PLCE1: variants seen among roughly 807,000 people sequenced by gnomAD.
The protein encoded by PLCE1 is 1-phosphatidylinositol 4,5-bisphosphate phosphodiesterase epsilon-1.
A neutral mutation model predicts 242.8 loss-of-function variants in PLCE1; 119 were observed. The ratio of observed to expected loss-of-function variants is 0.49; its 90% CI spans 0.42 to 0.57. PLCE1 has a LOEUF of 0.57. Ranked by LOEUF, PLCE1 falls within the 20% of genes least tolerant of loss-of-function variation. PLCE1 has a pLI of 0.00. For missense variants in PLCE1, 2,441 were observed against 2,788.8 expected, an observed-to-expected ratio of 0.88 and a Z score of 2.81; for synonymous variants, 945 against 1,017.4, an observed-to-expected ratio of 0.93 and a Z score of 1.35.
intron 3 of PLCE1, chr10:94,138,576 T>C: frequency 2.2e-6 from 1 of 457,264 alleles, no homozygotes; most frequent in Non-Finnish European, 4.3e-6. Flanking sequence ...GTTAGGTTGC[T>C]TCAATCTGAA....
chr10:94,073,351 T>A (rs192112936), intron 2 of PLCE1, among the ~76,000 whole-genome samples: 26 of 152,308 alleles, frequency 1.7e-4, no homozygotes, highest in African/African-American at 6.0e-4. Flanking sequence ...TATAAACTTC[T>A]AAATGTTATG....
chr10:94,221,966 G>A (rs546118415), intron 4 of PLCE1, among the ~76,000 whole-genome samples: 8 of 152,202 alleles, frequency 5.3e-5, no homozygotes, highest in African/African-American at 1.9e-4. Flanking sequence ...AAGTGTTCAG[G>A]CCTTTTCCCA....
In PLCE1 at chr10:94,131,852, C is replaced by G. The variant is rs74151060; in HGVS notation, c.1207-322C>G. ...AGGAAAACCAGAAGGAAAGGTTTGCCTTCATCTCTCTGCAGAAGAGCTTTG... is the reference window on the plus strand; with the variant it reads ...AGGAAAACCAGAAGGAAAGGTTTGCGTTCATCTCTCTGCAGAAGAGCTTTG... On this transcript the variant is annotated intron_variant, in intron 2 of 32. Coordinates refer to ENST00000371380, the MANE Select transcript of PLCE1 (RefSeq NM_016341.4). Among the ~76,000 whole-genome samples the G allele has an allele frequency of 0.044, 6,686 of 152,284 alleles. 476 individuals are homozygous for G. Among genetic ancestry groups the G allele is most frequent in the African/African-American group, 0.14 (5,972 of 41,528 alleles).
rs398046178 is a variant in PLCE1 at position 94,093,934 on chromosome 10, CTTTTTTTTTTTT to C, written c.1207-38226_1207-38215del. Among the ~76,000 whole-genome samples, 40 of 79,194 alleles carry C rather than the reference CTTTTTTTTTTTT, an allele frequency of 5.1e-4. 1 individual carries two copies. The highest frequency in any genetic ancestry group is 1.9e-3 in the African/African-American group (35 of 18,304). The allele number at this position is 79,194 out of a possible 152,430, so 52.0% of individuals were successfully genotyped here. ...TCATTCAGTCATTTAATCGGTATTT[CTTTTTTTTTTTT>C]TTTTTTTTTTTTTGAGACGGAGTCT... On this transcript the variant is annotated intron_variant, in intron 2 of 32. Transcript: ENST00000371380.
At chr10:94,235,238 G>T (rs1392357020) in intron 6 of PLCE1, among the ~76,000 whole-genome samples, 1 of 152,032 alleles carries the variant, frequency 6.6e-6, no homozygotes. Context: ...CAACACCACC[G>T]GCATCTCTCT....
intron 9 of PLCE1, 147 bp downstream of exon 9, chr10:94,252,645 A>G (rs542624012): frequency 1.7e-5 from 12 of 707,322 alleles, no homozygotes; most frequent in Non-Finnish European, 2.4e-5. Context: ...ACATACCTCC[A>G]TGGTGCCATG....
At chr10:94,196,221 C>A (rs1200637631) in intron 4 of PLCE1, among the ~76,000 whole-genome samples, 5 of 152,178 alleles carry the variant, frequency 3.3e-5, no homozygotes, top group Non-Finnish European at 4.4e-5. Flanking sequence ...TTGCTATACA[C>A]CTTCACTCTG....
At chr10:94,218,655 T>A (rs1462043403) in intron 4 of PLCE1, among the ~76,000 whole-genome samples, 1 of 152,030 alleles carries the variant, frequency 6.6e-6, no homozygotes, top group Non-Finnish European at 1.5e-5. Flanking sequence ...TTGCTTTAAC[T>A]GCTCCCACCC....
At chr10:94,029,200 C>G (rs966279714) in intron 1 of PLCE1, among the ~76,000 whole-genome samples, 1 of 152,126 alleles carries the variant, frequency 6.6e-6, no homozygotes, top group Non-Finnish European at 1.5e-5. Flanking sequence ...CCTTCTCCTC[C>G]TTTGAATTGC....
chr10:94,162,939 G>GACTACA (rs2047666539), intron 3 of PLCE1, among the ~76,000 whole-genome samples: 1 of 152,144 alleles, frequency 6.6e-6, no homozygotes, highest in African/African-American at 2.4e-5. Context: ...GGAGCAGGTT[G>GACTACA]TTCAGTTTCC....
At chr10:94,065,757 G>GCGTCACA (rs2044179199) in intron 2 of PLCE1, among the ~76,000 whole-genome samples, 1 of 152,164 alleles carries the variant, frequency 6.6e-6, no homozygotes, top group African/African-American at 2.4e-5. Context: ...GGGAGGAGTA[G>GCGTCACA]GACCATTGGC....
intron 4 of PLCE1, among the ~76,000 whole-genome samples, chr10:94,215,584 G>A (rs2049492292): frequency 6.6e-6 from 1 of 152,158 alleles, no homozygotes; most frequent in Non-Finnish European, 1.5e-5. Context: ...AAGTGAAGGA[G>A]TTAAGGACTG....
At chr10:94,134,097 C>CTT (rs1382451027) in intron 3 of PLCE1, among the ~76,000 whole-genome samples, 10 of 140,128 alleles carry the variant, frequency 7.1e-5, no homozygotes, top group Non-Finnish European at 1.1e-4. Context: ...TTTTCAAAGT[C>CTT]TTTTTTTTTT....
intron 2 of PLCE1, among the ~76,000 whole-genome samples, chr10:94,039,725 T>G (rs1316635955): frequency 6.6e-6 from 1 of 152,178 alleles, no homozygotes; most frequent in African/African-American, 2.4e-5. Context: ...TTATTGTCTG[T>G]CTTTTGGTTA....
At chr10:94,008,240 A>G (rs2061087111) in intron 1 of PLCE1, among the ~76,000 whole-genome samples, 1 of 139,828 alleles carries the variant, frequency 7.2e-6, no homozygotes, top group Non-Finnish European at 1.5e-5. Flanking sequence ...GAAAATCTTC[A>G]GGTAAATTTA....
At position 94,306,282 on chromosome 10, in the gene PLCE1, A is replaced by G; in HGVS notation, c.5623-145A>G. ...ACCGCGCCCAGCCCTACAATCACTT[A>G]CTTTTTAAACAGTTTTATTCATCAT... On this transcript the variant is annotated intron_variant, in intron 25 of 32. Transcript: ENST00000371380. The surrounding 1 kb of genome is among the most constrained non-coding windows in gnomAD (Gnocchi z 5.7). The G allele has an allele frequency of 6.9e-7, 1 of 1,444,778 alleles. No individual in the cohort carries two copies. Among genetic ancestry groups the G allele is most frequent in the South Asian group, 1.2e-5 (1 of 85,748 alleles). The allele number at this position is 1,444,778 out of a possible 1,614,324, so 89.5% of individuals were successfully genotyped here. A position where few individuals can be genotyped will look rare whatever the true frequency, so the allele number is the denominator to read the frequency against.
chr10:94,105,761 A>G (rs2045706391), intron 2 of PLCE1: 1 of 152,210 alleles, frequency 6.6e-6, no homozygotes, highest in Admixed American at 6.5e-5. Context: ...AAGGCCCTTT[A>G]TCATCTGGCA....
chr10:94,191,168 A>G (rs2048652529), intron 4 of PLCE1, among the ~76,000 whole-genome samples: 1 of 152,192 alleles, frequency 6.6e-6, no homozygotes, highest in Non-Finnish European at 1.5e-5. Flanking sequence ...GGAAGCTGAG[A>G]AGTACATTAA....
chr10:94,137,688 A>G (rs1193598288), intron 3 of PLCE1: 1 of 165,744 alleles, frequency 6.0e-6, no homozygotes, highest in Non-Finnish European at 1.3e-5. Flanking sequence ...AGTGGAGGGA[A>G]GATGGACCTG....
Sources: allele counts gnomAD v4.1 joint callset (sites outside exome capture counted in the v4.1 genomes callset), GRCh38; gene constraint gnomAD v4.1.1; non-coding constraint Gnocchi (gnomAD v3.1); transcripts MANE v1.5; gene names NCBI Gene and HGNC (gene_info 2026-07-23, HGNC 2026-07-21).